Variants in LRP1B observed in about 807,000 individuals in gnomAD.
LRP1B encodes the protein low-density lipoprotein receptor-related protein 1B.
LRP1B carries 217 observed loss-of-function variants against 556.6 expected under a neutral mutation model. That is an observed-to-expected ratio of 0.39 (90% CI 0.35 to 0.44). The LOEUF is 0.44. Among genes scored for constraint, LRP1B ranks in the 20% least tolerant of loss-of-function variants. The pLI is 1.00. For missense variants in LRP1B, 5,053 were observed against 5,620.8 expected (o/e 0.90, Z 3.23); for synonymous variants, 2,047 against 1,865.8 (o/e 1.10, Z -2.50).
At chr2:141,750,214 TCTTCATTGGGAA>T (rs1338026813) in intron 2 of LRP1B, among the ~76,000 whole-genome samples, 1 of 152,112 alleles carries the variant, frequency 6.6e-6, no homozygotes, top group Non-Finnish European at 1.5e-5. Context: ...CTTGAGGAGG[TCTTCATTGGGAA>T]CTTCTTTTCT....
intron 1 of LRP1B, among the ~76,000 whole-genome samples, chr2:142,053,612 G>A (rs1472900732): frequency 6.6e-6 from 1 of 152,152 alleles, no homozygotes; most frequent in Non-Finnish European, 1.5e-5. Context: ...TAGGACTGCA[G>A]ATCCTCATTC....
chr2:141,935,231 C>A (rs994478605), intron 1 of LRP1B, among the ~76,000 whole-genome samples: 1 of 151,784 alleles, frequency 6.6e-6, no homozygotes, highest in Non-Finnish European at 1.5e-5. Flanking sequence ...ATCAGCATAC[C>A]CTCACTAAAG....
At chr2:140,756,489 T>G (rs1487269703) in intron 35 of LRP1B, among the ~76,000 whole-genome samples, 1 of 152,042 alleles carries the variant, frequency 6.6e-6, no homozygotes, top group East Asian at 1.9e-4. Flanking sequence ...AATAGATATA[T>G]AGATCAATGA....
chr2:140,465,147 G>A (rs1687492025), intron 60 of LRP1B, among the ~76,000 whole-genome samples: 1 of 152,100 alleles, frequency 6.6e-6, no homozygotes, highest in African/African-American at 2.4e-5. Context: ...AGAGGAAGAA[G>A]GGGGACCAGA....
At chr2:140,815,206 G>A (rs143376504) in intron 31 of LRP1B, among the ~76,000 whole-genome samples, 2 of 151,964 alleles carry the variant, frequency 1.3e-5, no homozygotes, top group African/African-American at 4.8e-5. Context: ...AGATTCAAGT[G>A]CACTGAGAAA....
intron 2 of LRP1B, among the ~76,000 whole-genome samples, chr2:141,784,819 G>C (rs1695376393): frequency 6.6e-6 from 1 of 151,812 alleles, no homozygotes. Flanking sequence ...ACCACTTTTT[G>C]TTTGGCACCG....
intron 3 of LRP1B, among the ~76,000 whole-genome samples, chr2:141,406,478 T>C (rs1416670365): frequency 6.6e-6 from 1 of 151,926 alleles, no homozygotes; most frequent in Admixed American, 6.6e-5. Flanking sequence ...ATGTAAGAAA[T>C]TTAGAGCAGT....
At chr2:141,260,614 C>T (rs1389256035) in intron 3 of LRP1B, among the ~76,000 whole-genome samples, 4 of 152,200 alleles carry the variant, frequency 2.6e-5, no homozygotes, top group African/African-American at 4.8e-5. Flanking sequence ...TTGTGTATAG[C>T]TATCGGATCA....
At chr2:140,737,542 C>G (rs576016558) in intron 35 of LRP1B, among the ~76,000 whole-genome samples, 54 of 152,256 alleles carry the variant, frequency 3.5e-4, no homozygotes, top group African/African-American at 1.2e-3. Flanking sequence ...ATGGACATAC[C>G]TGGCATTTGG....
chr2:140,638,708 C>T (rs1422873724), intron 41 of LRP1B, among the ~76,000 whole-genome samples: 1 of 151,924 alleles, frequency 6.6e-6, no homozygotes, highest in Non-Finnish European at 1.5e-5. Context: ...AACTGGTGTA[C>T]TCTACAAGGC....
At chr2:140,335,505 G>T (rs750159638) in intron 78 of LRP1B, 110 bp downstream of exon 78, 1 of 692,280 alleles carries the variant, frequency 1.4e-6, no homozygotes, top group Non-Finnish European at 2.6e-6. Flanking sequence ...TTAAAAGCAT[G>T]TGACACTATT....
At chr2:141,754,062 T>C (rs902535503) in intron 2 of LRP1B, among the ~76,000 whole-genome samples, 19 of 152,206 alleles carry the variant, frequency 1.2e-4, no homozygotes, top group African/African-American at 4.6e-4. Flanking sequence ...ATTGAAAACA[T>C]AGTTATCTGT....
intron 35 of LRP1B, among the ~76,000 whole-genome samples, chr2:140,717,051 T>C (rs940189747): frequency 3.3e-5 from 5 of 152,072 alleles, no homozygotes; most frequent in Non-Finnish European, 5.9e-5. Context: ...TGAAATATTA[T>C]AGAAATAATC....
At chr2:141,561,816 CA>C (rs1187634152) in intron 2 of LRP1B, among the ~76,000 whole-genome samples, 2 of 150,640 alleles carry the variant, frequency 1.3e-5, no homozygotes, top group African/African-American at 2.5e-5. Flanking sequence ...GAATTTTAGG[CA>C]AAAAAATAAG....
At chr2:140,889,791 A>C (rs369221244) in intron 23 of LRP1B, among the ~76,000 whole-genome samples, 2 of 152,188 alleles carry the variant, frequency 1.3e-5, no homozygotes, top group African/African-American at 4.8e-5. Context: ...GTTAGCAATG[A>C]TTTGGAGACT....
intron 14 of LRP1B, among the ~76,000 whole-genome samples, chr2:141,013,060 G>A (rs1017448614): frequency 2.0e-5 from 3 of 151,736 alleles, no homozygotes; most frequent in African/African-American, 4.8e-5. Context: ...TGTTATAGAC[G>A]GTTTTACTTT....
At chr2:141,812,603 A>G (rs1383959674) in intron 1 of LRP1B, among the ~76,000 whole-genome samples, 2 of 152,128 alleles carry the variant, frequency 1.3e-5, no homozygotes, top group Admixed American at 1.3e-4. Flanking sequence ...GTTGGAATAG[A>G]GCATCTTAAA....
intron 87 of LRP1B, among the ~76,000 whole-genome samples, chr2:140,245,534 C>T (rs546663755): frequency 6.6e-6 from 1 of 151,420 alleles, no homozygotes; most frequent in East Asian, 2.0e-4. Flanking sequence ...GCTAAAATAT[C>T]TTTTTAATTC....
intron 60 of LRP1B, among the ~76,000 whole-genome samples, chr2:140,465,720 CA>C (rs34468644): frequency 0.15 from 12,251 of 80,116 alleles, 547 homozygotes; most frequent in African/African-American, 0.25. Flanking sequence ...ATGACATTTG[CA>C]AAAAAAAAAA....
Sources: allele counts gnomAD v4.1 joint callset (sites outside exome capture counted in the v4.1 genomes callset), GRCh38; gene constraint gnomAD v4.1.1; transcripts MANE v1.5; gene names NCBI Gene and HGNC (gene_info 2026-07-23, HGNC 2026-07-21).